NUP50: variants seen among roughly 807,000 people sequenced by gnomAD.
NUP50 encodes nuclear pore complex protein Nup50.
In NUP50, 14 loss-of-function variants were observed where a neutral mutation model predicts 36.8. The observed-to-expected ratio is 0.38, with a 90% CI of 0.25 to 0.59. NUP50 has a LOEUF of 0.59. Among genes scored for constraint, NUP50 ranks in the 20% least tolerant of loss-of-function variants. The pLI is 0.63. For missense variants in NUP50, 455 were observed against 564.6 expected, an observed-to-expected ratio of 0.81 and a Z score of 1.97; for synonymous variants, 195 against 210.8, an observed-to-expected ratio of 0.93 and a Z score of 0.65.
chr22:45,180,713 G>A (rs912297983), intron 5 of NUP50, among the ~76,000 whole-genome samples: 1 of 152,102 alleles, frequency 6.6e-6, no homozygotes, highest in Non-Finnish European at 1.5e-5. Flanking sequence ...TAGGTCTCCC[G>A]TGTTTGGGAG....
chr22:45,182,997 T>TA (rs1183113963), intron 6 of NUP50, among the ~76,000 whole-genome samples: 4 of 145,952 alleles, frequency 2.7e-5, no homozygotes, highest in African/African-American at 5.0e-5. Flanking sequence ...GGACAGGGTC[T>TA]TTGTCCTTTA....
intron 5 of NUP50, chr22:45,179,200 G>C: frequency 3.7e-6 from 1 of 268,328 alleles, no homozygotes; most frequent in East Asian, 7.5e-5. Context: ...AATTAAAGAC[G>C]TTTTTTGAAA....
At chr22:45,183,085 CGGGGGGGGGGGGG>C (rs60488848) in intron 6 of NUP50, among the ~76,000 whole-genome samples, 4 of 114,136 alleles carry the variant, frequency 3.5e-5, no homozygotes, top group African/African-American at 6.8e-5. Context: ...GGGTTGGGGG[CGGGGGGGGGGGGG>C]GGTTGGTGTT....
intron 3 of NUP50, among the ~76,000 whole-genome samples, chr22:45,174,366 G>C (rs571985344): frequency 2.0e-5 from 3 of 151,868 alleles, no homozygotes; most frequent in African/African-American, 7.3e-5. Context: ...TTGTAGACAG[G>C]GGGTCTCACT....
chr22:45,167,821 A>T (rs568006075), intron 1 of NUP50, among the ~76,000 whole-genome samples: 2 of 152,318 alleles, frequency 1.3e-5, no homozygotes, highest in East Asian at 3.9e-4. Context: ...TAAGTTAAGG[A>T]CTTTTTGATT....
chr22:45,184,158 C>G, intron 7 of NUP50: 3 of 402,816 alleles, frequency 7.4e-6, no homozygotes, highest in Non-Finnish European at 1.4e-5. Context: ...CAAAGACGGA[C>G]AGTGTTGAGA....
chr22:45,177,050 T>C (rs1461742242), intron 4 of NUP50, among the ~76,000 whole-genome samples: 2 of 152,176 alleles, frequency 1.3e-5, no homozygotes, highest in Admixed American at 6.5e-5. Flanking sequence ...TCTGTTAAGA[T>C]TTTTAACTAC....
rs1298630822 is a variant in NUP50 at position 45,186,805 on chromosome 22, C to T, written c.*2150C>T. 4 of 152,528 alleles carry T rather than the reference C, an allele frequency of 2.6e-5. No homozygotes were observed. Among genetic ancestry groups the T allele is most frequent in the Non-Finnish European group, 5.9e-5 (4 of 68,032 alleles). The allele number at this position is 152,528 out of a possible 1,614,324, so 9.4% of individuals were successfully genotyped here. A position where few individuals can be genotyped will look rare whatever the true frequency, so the allele number is the denominator to read the frequency against. ...AAAATGTGATATTTTCTTAAAATCA[C>T]TCTTTTATGCTTTAGGAACTGGTTG... On this transcript the variant is annotated 3_prime_UTR_variant, in exon 8 of 8. Transcript: ENST00000347635.
chr22:45,168,115 T>A (rs1388447316), intron 1 of NUP50, 53 bp from the exon 2 acceptor site: 7 of 1,330,092 alleles, frequency 5.3e-6, no homozygotes, highest in Non-Finnish European at 7.4e-6. Flanking sequence ...TAAAATTCTT[T>A]ATAAGAATTT....
At chr22:45,183,085 CGGGG>C (rs60488848) in intron 6 of NUP50, among the ~76,000 whole-genome samples, 63,695 of 116,112 alleles carry the variant, frequency 0.55, 16,488 homozygotes, top group Middle Eastern at 0.61. Context: ...GGGTTGGGGG[CGGGG>C]GGGGGGGGGG....
At position 45,184,489 on chromosome 22, in the gene NUP50, T is replaced by C; in HGVS notation, c.1241T>C (p.Met414Thr). The change falls in exon 8 of 8, where the codon ATG (methionine) becomes ACG (threonine). Residue 414 changes from methionine (M) to threonine (T), a missense_variant. Physicochemically the swap from Met to Thr is moderately conservative, Grantham distance 81. This residue lies in a region of NUP50 where 287 missense variants were observed against 345.5 expected (regional missense o/e 0.83). Coordinates refer to ENST00000347635, the MANE Select transcript of NUP50 (RefSeq NM_007172.4). ...ILLNVLIPPNMPCTRTGKNNV... is the reference protein window; with the variant it reads ...ILLNVLIPPNTPCTRTGKNNV... ...CTGAACGTTCTGATTCCACCCAATATGCCATGTACGCGAACAGGGAAGAAT... is the reference window on the plus strand; with the variant it reads ...CTGAACGTTCTGATTCCACCCAATACGCCATGTACGCGAACAGGGAAGAAT... The C allele has an allele frequency of 6.2e-7, 1 of 1,614,004 alleles. No individual in the cohort carries two copies. The highest frequency in any genetic ancestry group is 8.5e-7 in the Non-Finnish European group (1 of 1,179,862).
At position 45,171,844 on chromosome 22, in the gene NUP50, T is replaced by C; in HGVS notation, c.153+161T>C. ...ATAGAAAAAAATAAGAAACGTCAGGTCTGGACCTTAAAGAGAGCTTATCCA... is the reference window on the plus strand; with the variant it reads ...ATAGAAAAAAATAAGAAACGTCAGGCCTGGACCTTAAAGAGAGCTTATCCA... On this transcript the variant is annotated intron_variant, in intron 3 of 7. Coordinates refer to ENST00000347635, the MANE Select transcript of NUP50 (RefSeq NM_007172.4). 4 of 592,838 alleles carry C rather than the reference T, an allele frequency of 6.7e-6. No homozygotes were observed. The East Asian group carries it at 1.1e-4, about 17-fold the overall frequency. The allele number at this position is 592,838 out of a possible 1,614,324, so 36.7% of individuals were successfully genotyped here. A position where few individuals can be genotyped will look rare whatever the true frequency, so the allele number is the denominator to read the frequency against.
chr22:45,184,224 A>G (rs898909139), intron 7 of NUP50: 11 of 547,662 alleles, frequency 2.0e-5, no homozygotes, highest in South Asian at 4.3e-5. Context: ...GTGTGGGTGC[A>G]GAGACCCGGG....
intron 3 of NUP50, among the ~76,000 whole-genome samples, chr22:45,174,251 C>T (rs971461906): frequency 9.3e-5 from 14 of 150,106 alleles, no homozygotes; most frequent in African/African-American, 3.4e-4. Flanking sequence ...AATCTTGACT[C>T]TCTGCAACCG....
chr22:45,176,129 A>C, intron 4 of NUP50, 49 bp downstream of exon 4: 2 of 1,570,186 alleles, frequency 1.3e-6, no homozygotes, highest in South Asian at 1.2e-5. Flanking sequence ...CATCTATGGA[A>C]AATAGCTTTA....
At chr22:45,164,410 T>C (rs906700765) in intron 1 of NUP50, 114 bp downstream of exon 1, 4 of 137,416 alleles carry the variant, frequency 2.9e-5, no homozygotes, top group African/African-American at 1.1e-4. Flanking sequence ...GGAGTGCGAG[T>C]GCAGGGCTGG....
rs777952476 is a variant in NUP50 at position 45,184,590 on chromosome 22, C to T, written c.1342C>T (p.Arg448Trp). Reference sequence around the variant, plus strand: ...CACCATGCCAGTCACCATGTTGATTCGGGTAAAAACCAGCGAGGATGCAGA... The same window carrying T: ...CACCATGCCAGTCACCATGTTGATTTGGGTAAAAACCAGCGAGGATGCAGA... ...NATMPVTMLI[R>W]VKTSEDADEL... is the part of the protein sequence containing the mutation. The change falls in exon 8 of 8, where the codon CGG becomes TGG. Residue 448 changes from arginine (R) to tryptophan (W), a missense_variant. Arg to Trp is a moderately radical substitution (Grantham distance 101). Around this residue, in one of 3 missense-constraint regions of NUP50, gnomAD observed 287 missense variants for 345.5 expected, o/e 0.83. Coordinates refer to ENST00000347635, the MANE Select transcript of NUP50 (RefSeq NM_007172.4). 1.8e-5 allele frequency: 29 copies of T among 1,612,466 alleles called. No homozygotes were observed. Among genetic ancestry groups the T allele is most frequent in the East Asian group, 4.5e-5 (2 of 44,868 alleles).
intron 6 of NUP50, among the ~76,000 whole-genome samples, chr22:45,183,014 CCT>C (rs2074403353): frequency 7.5e-6 from 1 of 134,098 alleles, no homozygotes; most frequent in Non-Finnish European, 1.5e-5. Context: ...TTTATTTGTT[CCT>C]GTCTTTAGAG....
chr22:45,167,887 T>C (rs1407697806), intron 1 of NUP50, among the ~76,000 whole-genome samples: 14 of 152,240 alleles, frequency 9.2e-5, no homozygotes. Context: ...TATTTCATTT[T>C]AATTTTTCCA....
Sources: gnomAD v4.1 joint callset for allele counts (sites outside exome capture counted in the v4.1 genomes callset) on GRCh38, gnomAD v4.1.1 for gene constraint, gnomAD v4.1.1 regional missense constraint, MANE v1.5 for transcripts, NCBI Gene and HGNC (gene_info 2026-07-23, HGNC 2026-07-21) for gene names.